The following SUPT3H variants were observed in gnomAD, a reference collection of about 807,000 sequenced individuals.
The protein encoded by SUPT3H is SPT3 homolog, SAGA and STAGA complex component, also known as transcription initiation protein SPT3 homolog.
A neutral mutation model predicts 44.3 loss-of-function variants in SUPT3H; 44 were observed. The ratio of observed to expected loss-of-function variants is 0.99; its 90% CI spans 0.78 to 1.28. The LOEUF is 1.28. Among genes scored for constraint, SUPT3H ranks in the 50% most tolerant of loss-of-function variants. SUPT3H has a pLI of 0.00. For synonymous variants in SUPT3H, 124 were observed against 125.6 expected, an observed-to-expected ratio of 0.99 and a Z score of 0.09; for missense variants, 380 against 387.1, an observed-to-expected ratio of 0.98 and a Z score of 0.15.
intron 2 of SUPT3H, among the ~76,000 whole-genome samples, chr6:45,262,468 T>C (rs1015620482): frequency 6.6e-6 from 1 of 152,032 alleles, no homozygotes; most frequent in Non-Finnish European, 1.5e-5. Context: ...ATGCAGAAGA[T>C]TGAACCTGGA....
chr6:45,218,087 C>A (rs1765388568), intron 2 of SUPT3H, among the ~76,000 whole-genome samples: 1 of 151,806 alleles, frequency 6.6e-6, no homozygotes, highest in Admixed American at 6.6e-5. Context: ...TTGAAATATA[C>A]CATTTAAAGG....
intron 6 of SUPT3H, among the ~76,000 whole-genome samples, chr6:44,995,286 A>G (rs761415594): frequency 6.6e-6 from 1 of 152,084 alleles, no homozygotes; most frequent in Non-Finnish European, 1.5e-5. Flanking sequence ...TGATATAATC[A>G]TGTCTCAAAT....
intron 2 of SUPT3H, among the ~76,000 whole-genome samples, chr6:45,290,533 TG>T (rs1338188905): frequency 6.6e-6 from 1 of 151,942 alleles, no homozygotes; most frequent in Non-Finnish European, 1.5e-5. Context: ...TTTACTCTTC[TG>T]GGCACTGTTT....
intron 2 of SUPT3H, among the ~76,000 whole-genome samples, chr6:45,251,636 T>C (rs998258855): frequency 2.6e-5 from 4 of 152,132 alleles, no homozygotes; most frequent in African/African-American, 7.2e-5. Flanking sequence ...AAAGAAGGTA[T>C]TTTCAAGTAG....
At chr6:45,371,608 C>T (rs1188043366) in intron 1 of SUPT3H, among the ~76,000 whole-genome samples, 1 of 152,148 alleles carries the variant, frequency 6.6e-6, no homozygotes, top group Non-Finnish European at 1.5e-5. Context: ...AGTAAAAGAT[C>T]TCTATCTCCT....
At chr6:45,182,151 A>G (rs985568638) in intron 2 of SUPT3H, among the ~76,000 whole-genome samples, 1 of 152,198 alleles carries the variant, frequency 6.6e-6, no homozygotes, top group African/African-American at 2.4e-5. Context: ...TGCCTGTAAC[A>G]AAATTCCAAC....
At chr6:45,356,080 TAG>T (rs1237733990) in intron 2 of SUPT3H, among the ~76,000 whole-genome samples, 1 of 152,150 alleles carries the variant, frequency 6.6e-6, no homozygotes, top group Non-Finnish European at 1.5e-5. Context: ...TCAAAGATAA[TAG>T]ATTCTCACTC....
At chr6:45,103,836 C>A (rs1294179020) in intron 3 of SUPT3H, among the ~76,000 whole-genome samples, 1 of 151,844 alleles carries the variant, frequency 6.6e-6, no homozygotes, top group East Asian at 1.9e-4. Flanking sequence ...TTGAGAGCAG[C>A]CAGAAAAAAA....
At chr6:44,813,474 G>A (rs1476517645) in intron 11 of SUPT3H, among the ~76,000 whole-genome samples, 2 of 151,886 alleles carry the variant, frequency 1.3e-5, no homozygotes. Flanking sequence ...ACAGGGGTGA[G>A]CCAGTGTGCC....
chr6:44,883,000 AC>A (rs917239465), intron 10 of SUPT3H, among the ~76,000 whole-genome samples: 1 of 152,070 alleles, frequency 6.6e-6, no homozygotes, highest in African/African-American at 2.4e-5. Flanking sequence ...CTCTCTCACC[AC>A]TCCTATTCAA....
intron 10 of SUPT3H, among the ~76,000 whole-genome samples, chr6:44,839,536 G>A (rs1202883039): frequency 6.6e-6 from 1 of 151,852 alleles, no homozygotes; most frequent in African/African-American, 2.4e-5. Flanking sequence ...TTGAACTCCT[G>A]GGCTTGAATG....
chr6:45,320,576 G>C (rs1449051673), intron 2 of SUPT3H, among the ~76,000 whole-genome samples: 1 of 151,968 alleles, frequency 6.6e-6, no homozygotes, highest in Non-Finnish European at 1.5e-5. Flanking sequence ...ACCATGCCTG[G>C]CCACAACTTC....
intron 6 of SUPT3H, among the ~76,000 whole-genome samples, chr6:44,964,019 GTGTT>G (rs1776441273): frequency 1.3e-5 from 2 of 151,696 alleles, no homozygotes; most frequent in Non-Finnish European, 1.5e-5. Context: ...AATTGTTAAT[GTGTT>G]TATTTAAATA....
In SUPT3H at chr6:45,020,891, A is replaced by G. The variant is rs967924040; in HGVS notation, c.187-259T>C. On this transcript the variant is annotated intron_variant, in intron 3 of 10. Coordinates refer to ENST00000371459, the MANE Select transcript of SUPT3H (RefSeq NM_003599.4). ...ATTTCTTTCTTGCAAAAGAAAAATCATACACAGCTTCCAGAAATGCATTAA... is the reference window on the plus strand; with the variant it reads ...ATTTCTTTCTTGCAAAAGAAAAATCGTACACAGCTTCCAGAAATGCATTAA... Among the ~76,000 whole-genome samples, 5 of 152,118 alleles carry G rather than the reference A, an allele frequency of 3.3e-5. No individual in the cohort carries two copies. The South Asian group carries it at 1.0e-3, about 31-fold the overall frequency.
intron 2 of SUPT3H, among the ~76,000 whole-genome samples, chr6:45,272,682 C>T (rs1776384312): frequency 1.3e-5 from 2 of 152,114 alleles, no homozygotes; most frequent in Non-Finnish European, 2.9e-5. Flanking sequence ...CACAAAATTG[C>T]TCTTGATTGG....
intron 10 of SUPT3H, among the ~76,000 whole-genome samples, chr6:44,922,061 C>A (rs989799330): frequency 2.0e-5 from 3 of 152,196 alleles, no homozygotes; most frequent in Non-Finnish European, 2.9e-5. Context: ...GGTGGGAGAA[C>A]CTATCCAGGT....
At chr6:45,275,841 T>C (rs1450279309) in intron 2 of SUPT3H, among the ~76,000 whole-genome samples, 1 of 152,090 alleles carries the variant, frequency 6.6e-6, no homozygotes, top group Non-Finnish European at 1.5e-5. Context: ...TGTGACTGAA[T>C]AATACATTTA....
chr6:44,998,403 C>A (rs1002989265), intron 6 of SUPT3H, among the ~76,000 whole-genome samples: 1 of 151,896 alleles, frequency 6.6e-6, no homozygotes, highest in Non-Finnish European at 1.5e-5. Flanking sequence ...AAATTGGTTA[C>A]TAAATTATCG....
At chr6:44,932,210 T>A (rs753061989) in intron 10 of SUPT3H, among the ~76,000 whole-genome samples, 2 of 152,214 alleles carry the variant, frequency 1.3e-5, no homozygotes, top group Non-Finnish European at 2.9e-5. Flanking sequence ...CTGTCTGCAT[T>A]TCAGCTTAGT....
Sources: gnomAD v4.1 joint callset for allele counts (sites outside exome capture counted in the v4.1 genomes callset) on GRCh38, gnomAD v4.1.1 for gene constraint, MANE v1.5 for transcripts, NCBI Gene and HGNC (gene_info 2026-07-23, HGNC 2026-07-21) for gene names.